SPG11: variants seen among roughly 807,000 people sequenced by gnomAD.
SPG11 encodes SPG11 vesicle trafficking associated, spatacsin.
Under a neutral mutation model 274.0 loss-of-function variants are expected in SPG11, and 222 were observed. That is an observed-to-expected ratio of 0.81 (90% CI 0.73 to 0.91). The LOEUF is 0.91. Among genes scored for constraint, SPG11 ranks in the 40% least tolerant of loss-of-function variants. The pLI is 0.00. For synonymous variants in SPG11, 1,144 were observed against 1,039.7 expected, an observed-to-expected ratio of 1.10 and a Z score of -1.93; for missense variants, 3,114 against 2,872.7, an observed-to-expected ratio of 1.08 and a Z score of -1.92.
At position 44,573,666 on chromosome 15, in the gene SPG11, G is replaced by A; in HGVS notation, c.6086C>T (p.Pro2029Leu). 1 of 1,614,220 alleles carries A rather than the reference G, an allele frequency of 6.2e-7. No individual in the cohort carries two copies. ...MLRKILASQQPDRCKRAQAFI... is the reference protein window; with the variant it reads ...MLRKILASQQLDRCKRAQAFI... The stretch of plus-strand genomic sequence containing the variant: ...GGCCTGGGCTCGTTTGCATCGGTCA[G>A]GCTGCTGAGAGGCCAAGATTTTCCG... The change falls in exon 32 of 40, where the codon CCT (proline) becomes CTT (leucine). Residue 2029 changes from proline (P) to leucine (L), a missense_variant. Physicochemically the swap from Pro to Leu is moderately conservative, Grantham distance 98. Transcript: ENST00000261866.
At chr15:44,620,168 A>G (rs2083701505) in intron 15 of SPG11, 22 bp downstream of exon 15, 2 of 1,560,394 alleles carry the variant, frequency 1.3e-6, no homozygotes, top group African/African-American at 2.7e-5. Flanking sequence ...CCCATTGGGT[A>G]TTAGTTCAAC....
chr15:44,601,604 C>T (rs938634056), intron 20 of SPG11, among the ~76,000 whole-genome samples: 6 of 147,524 alleles, frequency 4.1e-5, no homozygotes, highest in Non-Finnish European at 8.9e-5. Context: ...GCTGTCTAGG[C>T]TGGAGTGCCA....
chr15:44,595,593 C>A lies in SPG11; in HGVS notation c.4435-134G>T. ...TAAAATGGCTTGAAAAGCCTTCAAA[C>A]ATGAAACAAACTAATGAGCAACCAA... On this transcript the variant is annotated intron_variant, in intron 25 of 39. Coordinates refer to ENST00000261866, the MANE Select transcript of SPG11 (RefSeq NM_025137.4). The A allele has an allele frequency of 1.0e-6, 1 of 989,540 alleles. No homozygotes were observed. Among genetic ancestry groups the A allele is most frequent in the South Asian group, 1.4e-5 (1 of 71,612 alleles). The allele number at this position is 989,540 out of a possible 1,614,324, so 61.3% of individuals were successfully genotyped here.
chr15:44,622,594 G>C, intron 12 of SPG11, 134 bp downstream of exon 12: 1 of 824,572 alleles, frequency 1.2e-6, no homozygotes, highest in Non-Finnish European at 2.0e-6. Flanking sequence ...AGATGAAGGG[G>C]TTGTCACACT....
At chr15:44,591,005 T>C (rs1338375870) in intron 27 of SPG11, 2 of 152,234 alleles carry the variant, frequency 1.3e-5, no homozygotes, top group Non-Finnish European at 2.9e-5. Context: ...TATAAAATCA[T>C]GTGTCACATT....
At chr15:44,607,612 G>A (rs2083355350) in intron 19 of SPG11, among the ~76,000 whole-genome samples, 1 of 152,114 alleles carries the variant, frequency 6.6e-6, no homozygotes, top group Non-Finnish European at 1.5e-5. Flanking sequence ...AAGATACTAT[G>A]AGAATATGTG....
In SPG11 at chr15:44,621,954, T is replaced by A. The variant is rs545137154; in HGVS notation, c.2445-20A>T. 3.1e-4 allele frequency: 179 copies of A among 582,914 alleles called. No homozygotes were observed. Among genetic ancestry groups the A allele is most frequent in the African/African-American group, 1.4e-3 (56 of 39,004 alleles). 36.1% of individuals were successfully genotyped at this position (582,914 alleles called of 1,614,324 possible). A position where few individuals can be genotyped will look rare whatever the true frequency, so the allele number is the denominator to read the frequency against. On this transcript the variant is annotated intron_variant, in intron 13 of 39. Transcript: ENST00000261866. Reference sequence around the variant, plus strand: ...CAGTACCTAAAAACAGTGATATAAATTTTTTTTTTTTTAATTTTGGAGAAA... The same window carrying A: ...CAGTACCTAAAAACAGTGATATAAAATTTTTTTTTTTTAATTTTGGAGAAA...
intron 7 of SPG11, among the ~76,000 whole-genome samples, chr15:44,643,711 G>C (rs750008215): frequency 6.6e-6 from 1 of 151,888 alleles, no homozygotes; most frequent in Non-Finnish European, 1.5e-5. Context: ...ACACTTTTGC[G>C]TTTCAAAGGA....
rs146809831 is a variant in SPG11, at chr15:44,562,924, C to T, written c.*197G>A. ...ATATAAAATGGTGTGGATGAACAAT[C>T]ATCTAAAATCAATCTATTTTAAATA... On this transcript the variant is annotated 3_prime_UTR_variant, in exon 40 of 40. Transcript: ENST00000261866. The T allele has an allele frequency of 5.2e-6, 3 of 580,536 alleles. No individual in the cohort carries two copies. The highest frequency in any genetic ancestry group is 4.1e-5 in the South Asian group (2 of 48,318). 36.0% of individuals were successfully genotyped at this position (580,536 alleles called of 1,614,324 possible).
intron 20 of SPG11, chr15:44,604,325 A>T: frequency 3.8e-6 from 1 of 262,026 alleles, no homozygotes; most frequent in Non-Finnish European, 7.8e-6. Context: ...TCTTGTGAGA[A>T]CAGAGCGACT....
chr15:44,599,191 C>T (rs2083121113), intron 21 of SPG11, among the ~76,000 whole-genome samples: 2 of 152,038 alleles, frequency 1.3e-5, no homozygotes, highest in Non-Finnish European at 2.9e-5. Flanking sequence ...AATATCAATG[C>T]CACTTAAATG....
At chr15:44,634,961 G>A (rs1384064645) in intron 7 of SPG11, among the ~76,000 whole-genome samples, 1 of 152,072 alleles carries the variant, frequency 6.6e-6, no homozygotes, top group Non-Finnish European at 1.5e-5. Context: ...GCTCATGCCT[G>A]TAATCCCAGC....
intron 20 of SPG11, among the ~76,000 whole-genome samples, chr15:44,603,418 T>C (rs1432796150): frequency 1.3e-5 from 2 of 152,156 alleles, no homozygotes; most frequent in South Asian, 2.1e-4. Flanking sequence ...AGAACATTTT[T>C]CCCTCTACAC....
rs1567177924 is a variant in SPG11 at position 44,633,359 on chromosome 15, AAAAG to A, written c.1735+142_1735+145del. ...AAAAAAAAAAAAAAAAAAAAAAAAAAAAAGAAAGTTTCCAAAAAGTACGTAAAAT... is the reference window on the plus strand; with the variant it reads ...AAAAAAAAAAAAAAAAAAAAAAAAAAAAAGTTTCCAAAAAGTACGTAAAAT... On this transcript the variant is annotated intron_variant, in intron 8 of 39. Transcript: ENST00000261866. 82 of 356,588 alleles carry A rather than the reference AAAAG, an allele frequency of 2.3e-4. 4 individuals carry two copies. Among genetic ancestry groups the A allele is most frequent in the South Asian group, 3.6e-4 (5 of 13,776 alleles). 22.1% of individuals were successfully genotyped at this position (356,588 alleles called of 1,614,324 possible). A position where few individuals can be genotyped will look rare whatever the true frequency, so the allele number is the denominator to read the frequency against.
rs139306957 is a variant in SPG11, at chr15:44,607,562, C to T, written c.3453+882G>A. On this transcript the variant is annotated intron_variant, in intron 19 of 39. Coordinates refer to ENST00000261866, the MANE Select transcript of SPG11 (RefSeq NM_025137.4). ...GGGATTACAGGCATGAGCCACTGCA[C>T]CCGGCTCCTTTATAGAATTATAAAC... is the stretch of plus-strand genomic sequence containing the variant. Among the ~76,000 whole-genome samples, 170 of 152,288 alleles carry T rather than the reference C, an allele frequency of 1.1e-3. 1 individual carries two copies. The highest frequency in any genetic ancestry group is 3.3e-3 in the African/African-American group (139 of 41,550).
chr15:44,643,563 G>C (rs1008111600), intron 7 of SPG11, among the ~76,000 whole-genome samples: 2 of 152,068 alleles, frequency 1.3e-5, no homozygotes, highest in African/African-American at 4.8e-5. Context: ...CTAACTGTAA[G>C]AGCTAAAACT....
intron 6 of SPG11, among the ~76,000 whole-genome samples, chr15:44,650,645 TA>T (rs904113368): frequency 2.7e-5 from 4 of 150,434 alleles, no homozygotes; most frequent in East Asian, 2.0e-4. Flanking sequence ...AAAAGTAAAT[TA>T]AAAAAAAGAG....
intron 8 of SPG11, among the ~76,000 whole-genome samples, chr15:44,633,055 C>T (rs1009435901): frequency 6.6e-6 from 1 of 151,778 alleles, no homozygotes; most frequent in Admixed American, 6.6e-5. Flanking sequence ...GCCAAATTTC[C>T]ACAAAGTTGT....
At chr15:44,652,998 A>T (rs1019594499) in intron 4 of SPG11, among the ~76,000 whole-genome samples, 2 of 152,164 alleles carry the variant, frequency 1.3e-5, no homozygotes, top group African/African-American at 2.4e-5. Context: ...TAAGAACTAG[A>T]AGGTAAAGTA....
Sources: allele counts gnomAD v4.1 joint callset (sites outside exome capture counted in the v4.1 genomes callset), GRCh38; gene constraint gnomAD v4.1.1; transcripts MANE v1.5; gene names NCBI Gene and HGNC (gene_info 2026-07-23, HGNC 2026-07-21).